Variants in CDH8 observed in about 807,000 individuals in gnomAD.
The protein encoded by CDH8 is cadherin 8.
In CDH8, 17 loss-of-function variants were observed where a neutral mutation model predicts 68.1. The observed-to-expected ratio is 0.25, with a 90% CI of 0.17 to 0.37. CDH8 has a LOEUF of 0.37. Ranked by LOEUF, CDH8 falls within the 10% of genes least tolerant of loss-of-function variation. The probability of loss-of-function intolerance (pLI) is 1.00; values close to 1 mark genes in which losing one functional copy is unlikely to be tolerated. For missense variants in CDH8, 763 were observed against 999.3 expected, an observed-to-expected ratio of 0.76 and a Z score of 3.19; for synonymous variants, 372 against 365.1, an observed-to-expected ratio of 1.02 and a Z score of -0.21.
At chr16:61,768,167 C>A (rs1289186615) in intron 8 of CDH8, among the ~76,000 whole-genome samples, 3 of 151,706 alleles carry the variant, frequency 2.0e-5, no homozygotes, top group African/African-American at 7.3e-5. Context: ...AAATAATCAC[C>A]AAGTGATTTG....
intron 10 of CDH8, among the ~76,000 whole-genome samples, chr16:61,672,615 A>T (rs1487437330): frequency 6.6e-6 from 1 of 152,064 alleles, no homozygotes; most frequent in Non-Finnish European, 1.5e-5. Flanking sequence ...CAAGATTATC[A>T]GTTATCTCAG....
intron 1 of CDH8, among the ~76,000 whole-genome samples, chr16:62,021,803 T>C (rs1052542089): frequency 1.2e-4 from 19 of 152,212 alleles, no homozygotes; most frequent in African/African-American, 4.6e-4. Flanking sequence ...TTAGCTTTCA[T>C]TGGTAGCTAT....
chr16:61,728,622 A>T (rs1293316402), intron 8 of CDH8, among the ~76,000 whole-genome samples: 1 of 151,204 alleles, frequency 6.6e-6, no homozygotes, highest in Non-Finnish European at 1.5e-5. Context: ...TTATGACTCT[A>T]ACACAAGGCA....
intron 1 of CDH8, among the ~76,000 whole-genome samples, chr16:62,029,542 A>G (rs1349620404): frequency 6.6e-6 from 1 of 152,208 alleles, no homozygotes; most frequent in Non-Finnish European, 1.5e-5. Context: ...AACGAACCAC[A>G]TCTTTCCTTC....
intron 10 of CDH8, among the ~76,000 whole-genome samples, chr16:61,683,801 A>G (rs922798168): frequency 6.6e-5 from 10 of 152,132 alleles, no homozygotes; most frequent in African/African-American, 2.2e-4. Context: ...CAATTTCTCT[A>G]TGAAAGGCAT....
intron 3 of CDH8, among the ~76,000 whole-genome samples, chr16:61,864,888 T>C (rs143966767): frequency 2.0e-5 from 3 of 152,194 alleles, no homozygotes; most frequent in Non-Finnish European, 4.4e-5. Context: ...TTCTCTTTTG[T>C]GGGTAATCAG....
At chr16:61,894,069 G>GA (rs1042828407) in intron 3 of CDH8, among the ~76,000 whole-genome samples, 6 of 151,910 alleles carry the variant, frequency 3.9e-5, no homozygotes, top group South Asian at 4.1e-4. Flanking sequence ...AGTGCAAAAA[G>GA]AAAAAAAACT....
At chr16:61,939,872 A>G (rs1254821802) in intron 2 of CDH8, among the ~76,000 whole-genome samples, 1 of 152,226 alleles carries the variant, frequency 6.6e-6, no homozygotes, top group Non-Finnish European at 1.5e-5. Flanking sequence ...GGCACAGATA[A>G]GAAGCTGAGA....
intron 10 of CDH8, among the ~76,000 whole-genome samples, chr16:61,668,332 T>G (rs904832780): frequency 6.6e-6 from 1 of 151,924 alleles, no homozygotes; most frequent in African/African-American, 2.4e-5. Context: ...TTTGATGATT[T>G]TTTTCTCTGC....
intron 3 of CDH8, among the ~76,000 whole-genome samples, chr16:61,860,511 G>T (rs1963130550): frequency 6.6e-6 from 1 of 152,056 alleles, no homozygotes; most frequent in Non-Finnish European, 1.5e-5. Context: ...TGAGAAAGAT[G>T]TCTCTTCATG....
intron 2 of CDH8, among the ~76,000 whole-genome samples, chr16:61,999,749 C>T (rs913789478): frequency 2.0e-5 from 3 of 151,830 alleles, no homozygotes; most frequent in South Asian, 2.1e-4. Context: ...CATGAAAAGA[C>T]GTGAGTTAAA....
At chr16:61,688,102 T>C (rs1470667571) in intron 10 of CDH8, among the ~76,000 whole-genome samples, 1 of 152,008 alleles carries the variant, frequency 6.6e-6, no homozygotes, top group Non-Finnish European at 1.5e-5. Context: ...TTCCCAGTAG[T>C]AACTTTTCCA....
At chr16:61,841,755 G>A (rs777703526) in intron 4 of CDH8, among the ~76,000 whole-genome samples, 7 of 152,056 alleles carry the variant, frequency 4.6e-5, no homozygotes, top group South Asian at 2.1e-4. Context: ...TTACATGCTT[G>A]TATCAAAACA....
chr16:62,024,109 G>A (rs1902139260), intron 1 of CDH8, among the ~76,000 whole-genome samples: 1 of 152,000 alleles, frequency 6.6e-6, no homozygotes, highest in African/African-American at 2.4e-5. Context: ...AAACAGCTGG[G>A]GTTACAGGCA....
chr16:61,852,439 G>A (rs887416283), intron 4 of CDH8, among the ~76,000 whole-genome samples: 1 of 152,054 alleles, frequency 6.6e-6, no homozygotes, highest in Non-Finnish European at 1.5e-5. Flanking sequence ...TCTTTGTTTA[G>A]TGGTCCCAGA....
intron 7 of CDH8, among the ~76,000 whole-genome samples, chr16:61,807,151 G>A (rs995880027): frequency 2.0e-5 from 3 of 151,134 alleles, no homozygotes; most frequent in Non-Finnish European, 4.4e-5. Context: ...CATAAAAAAT[G>A]ATGAGTTCGT....
chr16:61,869,763 G>C (rs1266479588), intron 3 of CDH8, among the ~76,000 whole-genome samples: 1 of 152,136 alleles, frequency 6.6e-6, no homozygotes, highest in Non-Finnish European at 1.5e-5. Flanking sequence ...AGATTTGAAA[G>C]ACGCACAAGA....
At chr16:61,836,199 T>C (rs1021400457) in intron 4 of CDH8, among the ~76,000 whole-genome samples, 7 of 151,950 alleles carry the variant, frequency 4.6e-5, no homozygotes, top group South Asian at 2.1e-4. Context: ...GCCTGTCATA[T>C]TGATCACAGC....
At chr16:62,010,433 C>T (rs151200162) in intron 2 of CDH8, among the ~76,000 whole-genome samples, 25 of 152,216 alleles carry the variant, frequency 1.6e-4, no homozygotes, top group African/African-American at 5.1e-4. Flanking sequence ...TGACTCTGGG[C>T]TTCATCACGT....
Sources: allele counts gnomAD v4.1 joint callset (sites outside exome capture counted in the v4.1 genomes callset), GRCh38; gene constraint gnomAD v4.1.1; transcripts MANE v1.5; gene names NCBI Gene and HGNC (gene_info 2026-07-23, HGNC 2026-07-21).